The following SNX24 variants were observed in gnomAD, a reference collection of about 807,000 sequenced individuals.
SNX24 encodes sorting nexin 24.
SNX24 carries 22 observed loss-of-function variants against 28.7 expected under a neutral mutation model. The observed-to-expected ratio is 0.77, with a 90% CI of 0.55 to 1.10. SNX24 has a LOEUF of 1.10. SNX24 is among the 50% of genes least tolerant of loss of function. The pLI, the probability that SNX24 is intolerant of heterozygous loss-of-function variation, is 0.00. For missense variants in SNX24, 221 were observed against 201.1 expected (o/e 1.10, Z -0.60); for synonymous variants, 69 against 71.5 (o/e 0.96, Z 0.18).
chr5:122,911,424 G>A (rs1757883266), intron 1 of SNX24, among the ~76,000 whole-genome samples: 1 of 152,034 alleles, frequency 6.6e-6, no homozygotes, highest in Admixed American at 6.5e-5. Flanking sequence ...TAGGTTGCCT[G>A]TTCACTCTGA....
intron 1 of SNX24, among the ~76,000 whole-genome samples, chr5:122,881,167 T>C (rs1756463697): frequency 6.6e-6 from 1 of 152,190 alleles, no homozygotes; most frequent in Admixed American, 6.5e-5. Context: ...AATTGGAGAA[T>C]CATTTAATTT....
intron 1 of SNX24, among the ~76,000 whole-genome samples, chr5:122,899,335 T>C (rs908363410): frequency 1.3e-5 from 2 of 152,198 alleles, no homozygotes; most frequent in Admixed American, 6.5e-5. Flanking sequence ...ATGGAGTCCA[T>C]AGAAATATAC....
chr5:123,017,195 A>G (rs1028984558), intron 5 of SNX24, among the ~76,000 whole-genome samples: 3 of 152,096 alleles, frequency 2.0e-5, no homozygotes, highest in African/African-American at 7.2e-5. Context: ...TGCCACATAA[A>G]TCACCCAACA....
chr5:123,023,604 G>A (rs1762796249), intron 5 of SNX24: 1 of 246,220 alleles, frequency 4.1e-6, no homozygotes, highest in South Asian at 1.3e-4. Flanking sequence ...TAAAAAAATA[G>A]CCAATTCAAA....
chr5:123,023,654 G>T, intron 5 of SNX24: 1 of 500,986 alleles, frequency 2.0e-6, no homozygotes. Context: ...TGAGGAAGGG[G>T]ATATATTTAA....
intron 3 of SNX24, among the ~76,000 whole-genome samples, chr5:122,980,704 C>A (rs1453063363): frequency 6.6e-6 from 1 of 150,586 alleles, no homozygotes; most frequent in Non-Finnish European, 1.5e-5. Context: ...TTTACTTACT[C>A]TGTGCCCCTT....
At chr5:122,881,972 T>G (rs1423917552) in intron 1 of SNX24, among the ~76,000 whole-genome samples, 1 of 123,324 alleles carries the variant, frequency 8.1e-6, no homozygotes, top group East Asian at 2.2e-4. Context: ...GTTTGTTGGA[T>G]TTTTTTTTTT....
At chr5:123,003,676 C>A (rs1291067567) in intron 6 of SNX24, among the ~76,000 whole-genome samples, 2 of 152,168 alleles carry the variant, frequency 1.3e-5, no homozygotes, top group African/African-American at 4.8e-5. Context: ...TGAGCAGTGC[C>A]TACCATGTGC....
intron 3 of SNX24, among the ~76,000 whole-genome samples, chr5:122,958,932 T>A (rs1760341349): frequency 6.6e-6 from 1 of 152,174 alleles, no homozygotes; most frequent in South Asian, 2.1e-4. Context: ...TCAGTGCTCG[T>A]CAGGAATTTT....
At chr5:122,904,084 A>G (rs1046509995) in intron 1 of SNX24, among the ~76,000 whole-genome samples, 1 of 152,110 alleles carries the variant, frequency 6.6e-6, no homozygotes, top group Non-Finnish European at 1.5e-5. Context: ...TCTGTGGGTT[A>G]AGTTTAACAT....
chr5:122,939,291 A>T (rs999510470), intron 2 of SNX24, among the ~76,000 whole-genome samples: 2 of 152,142 alleles, frequency 1.3e-5, no homozygotes, highest in African/African-American at 4.8e-5. Flanking sequence ...CAAAAATTAG[A>T]TTTGTTTATT....
At chr5:122,871,769 T>C (rs921342496) in intron 1 of SNX24, among the ~76,000 whole-genome samples, 2 of 152,066 alleles carry the variant, frequency 1.3e-5, no homozygotes, top group African/African-American at 4.8e-5. Flanking sequence ...AAACTCTGTC[T>C]CAAAAAACAA....
intron 2 of SNX24, among the ~76,000 whole-genome samples, chr5:122,941,697 TAG>T (rs1245350376): frequency 6.6e-6 from 1 of 152,220 alleles, no homozygotes; most frequent in African/African-American, 2.4e-5. Flanking sequence ...GAGTGTCTAG[TAG>T]AGTCTTGGGC....
chr5:123,009,975 A>G (rs996771230), downstream of SNX24, among the ~76,000 whole-genome samples: 16 of 152,342 alleles, frequency 1.1e-4, no homozygotes, highest in Non-Finnish European at 1.9e-4. Flanking sequence ...AGGACCTGTT[A>G]TCTCCATGAG....
chr5:122,920,767 A>G (rs1420974371), intron 1 of SNX24, among the ~76,000 whole-genome samples: 1 of 152,238 alleles, frequency 6.6e-6, no homozygotes, highest in East Asian at 1.9e-4. Context: ...ATTTTTTCTC[A>G]TTATAGAATG....
intron 3 of SNX24, among the ~76,000 whole-genome samples, chr5:122,975,603 T>C (rs1761132972): frequency 6.6e-6 from 1 of 152,204 alleles, no homozygotes; most frequent in Non-Finnish European, 1.5e-5. Context: ...TGAAAAAATA[T>C]ATTCAAGACA....
intron 3 of SNX24, among the ~76,000 whole-genome samples, chr5:122,979,410 A>C (rs1425823312): frequency 6.6e-6 from 1 of 152,172 alleles, no homozygotes; most frequent in Non-Finnish European, 1.5e-5. Context: ...CGGCATGCCC[A>C]CTGCATTGTG....
chr5:122,887,538 A>G (rs1467440277), intron 1 of SNX24, among the ~76,000 whole-genome samples: 1 of 152,116 alleles, frequency 6.6e-6, no homozygotes, highest in East Asian at 1.9e-4. Flanking sequence ...AGTCTTCTCA[A>G]TCTAGCCTTT....
chr5:122,866,834 G>A lies in SNX24; in HGVS notation c.60+21141G>A, dbSNP rs79125621. Among the ~76,000 whole-genome samples the A allele has an allele frequency of 3.3e-4, 50 of 152,282 alleles. 1 individual carries two copies. The East Asian group carries it at 9.5e-3, about 29-fold the overall frequency. ...AAAGACATGAGCATAAAGTGGCTAGGCAACAGCCTTAGCTTTCATTTCATC... is the reference window on the plus strand; with the variant it reads ...AAAGACATGAGCATAAAGTGGCTAGACAACAGCCTTAGCTTTCATTTCATC... On this transcript the variant is annotated intron_variant, in intron 1 of 6. Coordinates refer to ENST00000261369, the MANE Select transcript of SNX24 (RefSeq NM_014035.4).
Sources: gnomAD v4.1 joint callset for allele counts (sites outside exome capture counted in the v4.1 genomes callset) on GRCh38, gnomAD v4.1.1 for gene constraint, MANE v1.5 for transcripts, NCBI Gene and HGNC (gene_info 2026-07-23, HGNC 2026-07-21) for gene names.